Variants in FGFR2 observed in about 807,000 individuals in gnomAD.
The protein encoded by FGFR2 is BEK fibroblast growth factor receptor.
In FGFR2, 19 loss-of-function variants were observed where a neutral mutation model predicts 95.9. That is an observed-to-expected ratio of 0.20 (90% CI 0.14 to 0.29). The LOEUF is 0.29. Ranked by LOEUF, FGFR2 falls within the 10% of genes least tolerant of loss-of-function variation. The pLI is 1.00. For synonymous variants in FGFR2, 392 were observed against 393.3 expected, an observed-to-expected ratio of 1.00 and a Z score of 0.04; for missense variants, 707 against 1,056.9, an observed-to-expected ratio of 0.67 and a Z score of 4.59.
intron 2 of FGFR2, among the ~76,000 whole-genome samples, chr10:121,589,916 G>A (rs17542858): frequency 0.011 from 1,600 of 152,296 alleles, 11 homozygotes; most frequent in Non-Finnish European, 0.018. Flanking sequence ...CTCTTGGTAT[G>A]CGGATATATT....
chr10:121,562,336 G>C (rs1366712064), intron 4 of FGFR2, among the ~76,000 whole-genome samples: 1 of 151,596 alleles, frequency 6.6e-6, no homozygotes, highest in East Asian at 1.9e-4. Context: ...GCAGGAGGGA[G>C]TGCAGTGGTG....
In FGFR2 at chr10:121,577,178, T is replaced by TATATATATAGAGAG; in HGVS notation, c.110-11475_110-11474insCTCTCTATATATAT. Reference sequence around the variant, plus strand: ...AAAAAAATATATATATATATATATATAGAGAGAGAGAGAGAGAGAGAGAGA... The same window carrying TATATATATAGAGAG: ...AAAAAAATATATATATATATATATATATATATATAGAGAGAGAGAGAGAGAGAGAGAGAGAGAGA... On this transcript the variant is annotated intron_variant, in intron 2 of 17. Coordinates refer to ENST00000358487, the MANE Select transcript of FGFR2 (RefSeq NM_000141.5). 6.5e-3 allele frequency among the ~76,000 whole-genome samples: 34 copies of TATATATATAGAGAG among 5,214 alleles called. 1 individual carries two copies. The highest frequency in any genetic ancestry group is 9.6e-3 in the Admixed American group (2 of 208). 3.4% of individuals were successfully genotyped at this position (5,214 alleles called of 152,430 possible). A position where few individuals can be genotyped will look rare whatever the true frequency, so the allele number is the denominator to read the frequency against.
chr10:121,576,600 A>C (rs1859808252), intron 2 of FGFR2, among the ~76,000 whole-genome samples: 1 of 152,140 alleles, frequency 6.6e-6, no homozygotes, highest in African/African-American at 2.4e-5. Context: ...ACTCTGTAAA[A>C]TGAATGCATT....
At chr10:121,525,996 C>CCTCT (rs1367402068) in intron 6 of FGFR2, among the ~76,000 whole-genome samples, 1 of 152,180 alleles carries the variant, frequency 6.6e-6, no homozygotes, top group Non-Finnish European at 1.5e-5. Context: ...TTCAAAGCCA[C>CCTCT]CTCTCTCCGG....
At chr10:121,590,173 C>G (rs906839173) in intron 2 of FGFR2, among the ~76,000 whole-genome samples, 1 of 152,044 alleles carries the variant, frequency 6.6e-6, no homozygotes, top group Non-Finnish European at 1.5e-5. Context: ...CAGGTTGTTA[C>G]TTTTCAGAGT....
rs1380649371 is a variant in FGFR2 at position 121,479,497 on chromosome 10, G to A, written c.*360C>T. The stretch of plus-strand genomic sequence containing the variant: ...TCCAGCACCTATATACTGCATTTGT[G>A]CTCTGTAAGTGTGTGCTGACATAAA... On this transcript the variant is annotated 3_prime_UTR_variant, in exon 18 of 18. Coordinates refer to ENST00000358487, the MANE Select transcript of FGFR2 (RefSeq NM_000141.5). 2.0e-6 allele frequency: 2 copies of A among 1,024,598 alleles called. No homozygotes were observed. The highest frequency in any genetic ancestry group is 1.4e-6 in the Non-Finnish European group (1 of 701,394). The allele number at this position is 1,024,598 out of a possible 1,614,324, so 63.5% of individuals were successfully genotyped here.
chr10:121,480,236 C>T (rs1354178321), intron 17 of FGFR2: 4 of 666,740 alleles, frequency 6.0e-6, no homozygotes, highest in East Asian at 2.7e-5. Context: ...CTGACTTCCA[C>T]GAAGACCTCC....
chr10:121,555,191 G>A (rs1271315542), intron 4 of FGFR2, among the ~76,000 whole-genome samples: 1 of 152,136 alleles, frequency 6.6e-6, no homozygotes, highest in African/African-American at 2.4e-5. Context: ...TGACCAACAT[G>A]GTGAAACCCC....
intron 5 of FGFR2, 82 bp downstream of exon 5, chr10:121,551,206 CGA>C (rs1342871080): frequency 6.7e-6 from 10 of 1,482,382 alleles, no homozygotes; most frequent in Non-Finnish European, 8.4e-6. Flanking sequence ...GGCGACAGAG[CGA>C]GACTCCATCG....
At chr10:121,562,209 C>T (rs1857082772) in intron 4 of FGFR2, among the ~76,000 whole-genome samples, 2 of 152,158 alleles carry the variant, frequency 1.3e-5, no homozygotes, top group Admixed American at 1.3e-4. Flanking sequence ...AAAACTATGT[C>T]CCCACAAAAA....
At chr10:121,566,951 C>T (rs1374413154) in intron 2 of FGFR2, among the ~76,000 whole-genome samples, 1 of 152,112 alleles carries the variant, frequency 6.6e-6, no homozygotes, top group Non-Finnish European at 1.5e-5. Context: ...ATAACAACAG[C>T]TGGAGCGGCC....
chr10:121,594,785 T>C (rs748833881), intron 1 of FGFR2, among the ~76,000 whole-genome samples: 4 of 152,230 alleles, frequency 2.6e-5, no homozygotes, highest in African/African-American at 4.8e-5. Flanking sequence ...CAAATTCTGA[T>C]GAATAATGCA....
At chr10:121,508,101 G>A (rs531226001) in intron 9 of FGFR2, among the ~76,000 whole-genome samples, 3 of 152,286 alleles carry the variant, frequency 2.0e-5, no homozygotes, top group African/African-American at 7.2e-5. Context: ...TTAAATAAAG[G>A]TCTTGGGCAT....
rs929190618 is a variant in FGFR2 at position 121,538,618 on chromosome 10, T to C, written c.722A>G (p.Asn241Ser). The C allele has an allele frequency of 6.8e-6, 11 of 1,614,058 alleles. No homozygotes were observed. The highest frequency in any genetic ancestry group is 2.7e-5 in the African/African-American group (2 of 74,930). Residue 241 changes from asparagine to serine, a missense_variant, in exon 6 of 18, where the codon AAT (asparagine) becomes AGT (serine). This residue lies in a region of FGFR2 where 139 missense variants were observed against 278.1 expected (regional missense o/e 0.50). Coordinates refer to ENST00000358487, the MANE Select transcript of FGFR2 (RefSeq NM_000141.5). ...CACAACATCCAGGTGGTACGTGTGATTGATGGACCCGTATTCATTCTCCAC... is the reference window on the plus strand; with the variant it reads ...CACAACATCCAGGTGGTACGTGTGACTGATGGACCCGTATTCATTCTCCAC... ...CVVENEYGSI[N>S]HTYHLDVVER...
Position 121,575,786 on chromosome 10 carries a change from GCA to G in FGFR2, c.110-10084_110-10083del, listed in dbSNP as rs564611288. 8.1e-3 allele frequency among the ~76,000 whole-genome samples: 1,226 copies of G among 152,026 alleles called. 7 individuals are homozygous for G. The highest frequency in any genetic ancestry group is 0.014 in the Non-Finnish European group (943 of 67,986). On this transcript the variant is annotated intron_variant, in intron 2 of 17. Transcript: ENST00000358487. The stretch of plus-strand genomic sequence containing the variant: ...CAGGAGAATCGCTTAAACCAGGGAG[GCA>G]GAGGTTGCAGTGAGCCGAGATCGTG...
At chr10:121,562,338 G>A (rs1857102960) in intron 4 of FGFR2, among the ~76,000 whole-genome samples, 1 of 151,380 alleles carries the variant, frequency 6.6e-6, no homozygotes, top group Non-Finnish European at 1.5e-5. Flanking sequence ...AGGAGGGAGT[G>A]CAGTGGTGTG....
At chr10:121,539,377 T>G (rs1853352669) in intron 5 of FGFR2, among the ~76,000 whole-genome samples, 1 of 152,184 alleles carries the variant, frequency 6.6e-6, no homozygotes, top group South Asian at 2.1e-4. Flanking sequence ...AAAACTCAAG[T>G]TGTATATCCG....
At chr10:121,570,006 G>C (rs922868400) in intron 2 of FGFR2, among the ~76,000 whole-genome samples, 1 of 152,222 alleles carries the variant, frequency 6.6e-6, no homozygotes, top group Non-Finnish European at 1.5e-5. Context: ...GGCAGGGATG[G>C]GGTGGGGCCA....
chr10:121,593,893 G>T lies in FGFR2; in HGVS notation c.-76C>A. On this transcript the variant is annotated 5_prime_UTR_variant, in exon 2 of 18. Coordinates refer to ENST00000358487, the MANE Select transcript of FGFR2 (RefSeq NM_000141.5). ...ATCCCATCTGCACACTTCCTCTACG[G>T]GCATGGACTACGCGCAATGCCTTCA... The T allele has an allele frequency of 7.3e-7, 1 of 1,374,234 alleles. No individual in the cohort carries two copies. Among genetic ancestry groups the T allele is most frequent in the Non-Finnish European group, 1.0e-6 (1 of 962,594 alleles). 85.1% of individuals were successfully genotyped at this position (1,374,234 alleles called of 1,614,324 possible).
Sources: gnomAD v4.1 joint callset for allele counts (sites outside exome capture counted in the v4.1 genomes callset) on GRCh38, gnomAD v4.1.1 for gene constraint, gnomAD v4.1.1 regional missense constraint, MANE v1.5 for transcripts, NCBI Gene and HGNC (gene_info 2026-07-23, HGNC 2026-07-21) for gene names.